COL19A1: variants seen among roughly 807,000 people sequenced by gnomAD.
The protein encoded by COL19A1 is collagen type XIX alpha 1 chain.
COL19A1 carries 159 observed loss-of-function variants against 190.2 expected under a neutral mutation model. That is an observed-to-expected ratio of 0.84 (90% CI 0.73 to 0.95). The LOEUF is 0.95. Among genes scored for constraint, COL19A1 ranks in the 40% least tolerant of loss-of-function variants. The pLI, the probability that COL19A1 is intolerant of heterozygous loss-of-function variation, is 0.00. For synonymous variants in COL19A1, 509 were observed against 458.9 expected, an observed-to-expected ratio of 1.11 and a Z score of -1.39; for missense variants, 1,418 against 1,431.9, an observed-to-expected ratio of 0.99 and a Z score of 0.16.
At chr6:69,876,846 A>G (rs1345200743) in intron 1 of COL19A1, among the ~76,000 whole-genome samples, 1 of 152,240 alleles carries the variant, frequency 6.6e-6, no homozygotes, top group Non-Finnish European at 1.5e-5. Flanking sequence ...TTGCAAAGTC[A>G]TATGAGGATT....
At chr6:70,072,449 G>A (rs1008148610) in intron 15 of COL19A1, among the ~76,000 whole-genome samples, 5 of 152,150 alleles carry the variant, frequency 3.3e-5, no homozygotes, top group African/African-American at 1.2e-4. Flanking sequence ...GTTGGACCAA[G>A]ATGACACCTC....
intron 11 of COL19A1, among the ~76,000 whole-genome samples, chr6:69,969,182 A>C (rs900094282): frequency 2.0e-5 from 3 of 152,234 alleles, no homozygotes; most frequent in African/African-American, 7.2e-5. Flanking sequence ...GTAATATAAA[A>C]TCTTAATATT....
intron 11 of COL19A1, among the ~76,000 whole-genome samples, chr6:69,990,149 T>C (rs1776538788): frequency 6.6e-6 from 1 of 152,066 alleles, no homozygotes; most frequent in Non-Finnish European, 1.5e-5. Context: ...AACACAAAAG[T>C]GTGCAGAATA....
intron 15 of COL19A1, among the ~76,000 whole-genome samples, chr6:70,068,763 A>C (rs191405913): frequency 4.6e-5 from 7 of 152,198 alleles, no homozygotes; most frequent in African/African-American, 1.4e-4. Context: ...TTTTTGAATT[A>C]AGTTGATGAG....
intron 4 of COL19A1, among the ~76,000 whole-genome samples, chr6:69,921,349 AT>A (rs1227652534): frequency 1.9e-4 from 24 of 129,660 alleles, no homozygotes; most frequent in African/African-American, 6.7e-4. Flanking sequence ...TATATATCAT[AT>A]ATCATAATCA....
intron 49 of COL19A1, among the ~76,000 whole-genome samples, chr6:70,204,376 A>G (rs1767737697): frequency 6.6e-6 from 1 of 152,236 alleles, no homozygotes; most frequent in African/African-American, 2.4e-5. Context: ...GGCAGCCTTC[A>G]TAATGAATGA....
At chr6:70,097,999 G>A (rs774751192) in intron 15 of COL19A1, among the ~76,000 whole-genome samples, 44 of 152,148 alleles carry the variant, frequency 2.9e-4, no homozygotes, top group Non-Finnish European at 5.6e-4. Flanking sequence ...TCTAGAGAGA[G>A]CCTTGTAATG....
intron 4 of COL19A1, among the ~76,000 whole-genome samples, chr6:69,902,075 G>A (rs1264425382): frequency 6.6e-6 from 1 of 152,168 alleles, no homozygotes; most frequent in East Asian, 1.9e-4. Flanking sequence ...AGCAGAACCT[G>A]GTACCTCCAC....
chr6:70,072,997 TTATTATTGAGA>T (rs1271375984), intron 15 of COL19A1, among the ~76,000 whole-genome samples: 1 of 140,302 alleles, frequency 7.1e-6, no homozygotes, highest in Non-Finnish European at 1.6e-5. Flanking sequence ...ATTTATTTAT[TTATTATTGAGA>T]GAGAGTTTTG....
chr6:70,166,409 G>T (rs1583068197), intron 37 of COL19A1, among the ~76,000 whole-genome samples: 2 of 152,240 alleles, frequency 1.3e-5, no homozygotes, highest in Non-Finnish European at 2.9e-5. Context: ...TGTCTGAGAT[G>T]CAAGGAAACT....
chr6:70,072,266 T>A (rs1356771196), intron 15 of COL19A1, among the ~76,000 whole-genome samples: 1 of 152,168 alleles, frequency 6.6e-6, no homozygotes, highest in Non-Finnish European at 1.5e-5. Context: ...AAAACAATAA[T>A]TTTTATGTAA....
chr6:70,009,964 A>G (rs1028151395), intron 11 of COL19A1, among the ~76,000 whole-genome samples: 4 of 152,200 alleles, frequency 2.6e-5, no homozygotes, highest in Non-Finnish European at 5.9e-5. Flanking sequence ...AATAGAAATA[A>G]ATGTAAAAAC....
intron 4 of COL19A1, among the ~76,000 whole-genome samples, chr6:69,918,115 G>C (rs946329805): frequency 6.6e-6 from 1 of 152,164 alleles, no homozygotes; most frequent in Admixed American, 6.5e-5. Flanking sequence ...TCAGAGGAAG[G>C]CAGGAGTCAG....
At chr6:70,060,394 C>T (rs371006778) in intron 14 of COL19A1, among the ~76,000 whole-genome samples, 29 of 152,154 alleles carry the variant, frequency 1.9e-4, no homozygotes, top group African/African-American at 5.5e-4. Context: ...CCCCAACCCC[C>T]GGGAAAAGGA....
rs182070474 is a variant in COL19A1, at chr6:70,134,624, G to A, written c.1384-3061G>A. Among the ~76,000 whole-genome samples the A allele has an allele frequency of 3.3e-5, 5 of 152,256 alleles. No individual in the cohort carries two copies. In the East Asian group the frequency reaches 9.6e-4, roughly 29 times the overall value. ...GTAGAATATTTGTACTGACAGGTCT[G>A]CAAGTTGGCTTCTTATCCATTTGGT... On this transcript the variant is annotated intron_variant, in intron 18 of 50. Coordinates refer to ENST00000620364, the MANE Select transcript of COL19A1 (RefSeq NM_001858.6).
chr6:69,995,516 C>T lies in COL19A1; in HGVS notation c.1027-28111C>T, dbSNP rs149495412. Among the ~76,000 whole-genome samples, 511 of 145,546 alleles carry T rather than the reference C, an allele frequency of 3.5e-3. 2 individuals carry two copies. The highest frequency in any genetic ancestry group is 6.7e-3 in the East Asian group (34 of 5,100). Reference sequence around the variant, plus strand: ...ATAGATGGTTTGATTTAAGTAAAACCGTGTGATTTTTTTTTTTTTTTACCA... The same window carrying T: ...ATAGATGGTTTGATTTAAGTAAAACTGTGTGATTTTTTTTTTTTTTTACCA... On this transcript the variant is annotated intron_variant, in intron 11 of 50. Coordinates refer to ENST00000620364, the MANE Select transcript of COL19A1 (RefSeq NM_001858.6).
At chr6:69,902,899 T>G (rs1295268536) in intron 4 of COL19A1, among the ~76,000 whole-genome samples, 6 of 152,196 alleles carry the variant, frequency 3.9e-5, no homozygotes, top group Admixed American at 3.3e-4. Flanking sequence ...CAGGTTTTTT[T>G]GTTATTGTTC....
intron 11 of COL19A1, among the ~76,000 whole-genome samples, chr6:70,021,396 A>T (rs1411922711): frequency 1.3e-5 from 2 of 152,144 alleles, no homozygotes; most frequent in East Asian, 1.9e-4. Context: ...TATTCTTACC[A>T]TCTATGAGAA....
intron 11 of COL19A1, among the ~76,000 whole-genome samples, chr6:69,992,206 G>A (rs1776664691): frequency 6.6e-6 from 1 of 152,090 alleles, no homozygotes; most frequent in African/African-American, 2.4e-5. Flanking sequence ...TCAGATGGTT[G>A]TAGGTATGCA....
Sources: gnomAD v4.1 joint callset for allele counts (sites outside exome capture counted in the v4.1 genomes callset) on GRCh38, gnomAD v4.1.1 for gene constraint, MANE v1.5 for transcripts, NCBI Gene and HGNC (gene_info 2026-07-23, HGNC 2026-07-21) for gene names.